Variants in CREB3L2 observed in about 807,000 individuals in gnomAD.
CREB3L2 encodes the protein cAMP responsive element binding protein 3 like 2.
A neutral mutation model predicts 57.2 loss-of-function variants in CREB3L2; 23 were observed. That is an observed-to-expected ratio of 0.40 (90% CI 0.29 to 0.57). The LOEUF (loss-of-function observed/expected upper bound fraction) is 0.57. CREB3L2 is among the 20% of genes least tolerant of loss of function. CREB3L2 has a pLI of 0.42. For synonymous variants in CREB3L2, 268 were observed against 265.1 expected (o/e 1.01, Z -0.11); for missense variants, 628 against 634.7 (o/e 0.99, Z 0.11).
intron 11 of CREB3L2, among the ~76,000 whole-genome samples, chr7:137,882,017 C>G (rs1216276625): frequency 1.3e-5 from 2 of 152,194 alleles, no homozygotes; most frequent in African/African-American, 4.8e-5. Flanking sequence ...TATATATCTA[C>G]TCCCTAGTTG....
chr7:137,879,178 A>C lies in CREB3L2; in HGVS notation c.*1298T>G, dbSNP rs903386660. ...AGTTACTTTTAACCATAAAAAAAAA[A>C]CAAAAAAACTAAAAGTAGGTTGGGG... is the stretch of plus-strand genomic sequence containing the variant. On this transcript the variant is annotated 3_prime_UTR_variant, in exon 12 of 12. Transcript: ENST00000330387. The C allele has an allele frequency of 1.3e-4, 63 of 492,444 alleles. No individual in the cohort carries two copies. The highest frequency in any genetic ancestry group is 1.8e-4 in the Non-Finnish European group (49 of 270,818). The allele number at this position is 492,444 out of a possible 1,614,324, so 30.5% of individuals were successfully genotyped here.
intron 1 of CREB3L2, among the ~76,000 whole-genome samples, chr7:137,967,170 C>T (rs1482530147): frequency 6.6e-6 from 1 of 152,224 alleles, no homozygotes. Flanking sequence ...AGCGGGCGCT[C>T]ACCAGAGCTC....
At chr7:137,899,351 A>G (rs762841631) in intron 8 of CREB3L2, among the ~76,000 whole-genome samples, 3 of 152,218 alleles carry the variant, frequency 2.0e-5, no homozygotes, top group South Asian at 2.1e-4. Context: ...ACCTGAACAC[A>G]AACTCCAAGG....
intron 1 of CREB3L2, among the ~76,000 whole-genome samples, chr7:137,937,918 T>G (rs1389101329): frequency 6.6e-6 from 1 of 150,540 alleles, no homozygotes; most frequent in African/African-American, 2.4e-5. Context: ...GTATGTGAAA[T>G]AGATTAAGCA....
intron 1 of CREB3L2, among the ~76,000 whole-genome samples, chr7:137,986,736 C>T (rs1321835613): frequency 6.6e-6 from 1 of 152,182 alleles, no homozygotes; most frequent in Admixed American, 6.5e-5. Context: ...CCCAGCCATC[C>T]CACCCTCATT....
chr7:137,877,377 T>TAACAGAGAGAG lies in CREB3L2; in HGVS notation c.*3098_*3099insCTCTCTCTGTT. ...AGCAACCTAGTTCAGCTGTCGGATT[T>TAACAGAGAGAG]TTATATAACACTCTCTTTATGTGAG... On this transcript the variant is annotated 3_prime_UTR_variant, in exon 12 of 12. Coordinates refer to ENST00000330387, the MANE Select transcript of CREB3L2 (RefSeq NM_194071.4). 1 of 226,742 alleles carries TAACAGAGAGAG rather than the reference T, an allele frequency of 4.4e-6. No homozygotes were observed. Among genetic ancestry groups the TAACAGAGAGAG allele is most frequent in the East Asian group, 6.4e-5 (1 of 15,748 alleles). 14.0% of individuals were successfully genotyped at this position (226,742 alleles called of 1,614,324 possible).
intron 1 of CREB3L2, among the ~76,000 whole-genome samples, chr7:137,967,994 T>C (rs955178677): frequency 2.6e-5 from 4 of 152,224 alleles, no homozygotes; most frequent in African/African-American, 7.2e-5. Context: ...CTCTTCCCAT[T>C]TGTGGTTGAA....
chr7:137,940,805 G>A (rs1474990186), intron 1 of CREB3L2, among the ~76,000 whole-genome samples: 1 of 152,226 alleles, frequency 6.6e-6, no homozygotes, highest in Non-Finnish European at 1.5e-5. Context: ...AGCCAAATAT[G>A]TCTTAAGCAT....
intron 1 of CREB3L2, among the ~76,000 whole-genome samples, chr7:137,990,164 C>T (rs139148795): frequency 6.6e-6 from 1 of 152,312 alleles, no homozygotes; most frequent in African/African-American, 2.4e-5. Flanking sequence ...TCCCAAGACT[C>T]CCCATAGAGC....
At chr7:137,990,137 C>T (rs527730522) in intron 1 of CREB3L2, among the ~76,000 whole-genome samples, 2 of 152,340 alleles carry the variant, frequency 1.3e-5, no homozygotes, top group Non-Finnish European at 2.9e-5. Context: ...ACAAACCTCT[C>T]ATGATCTTGT....
intron 2 of CREB3L2, among the ~76,000 whole-genome samples, chr7:137,921,496 A>G (rs1271934088): frequency 6.6e-6 from 1 of 152,254 alleles, no homozygotes; most frequent in Non-Finnish European, 1.5e-5. Flanking sequence ...CAAATCATCA[A>G]AGAGACTGAA....
intron 1 of CREB3L2, among the ~76,000 whole-genome samples, chr7:137,935,442 T>C (rs1358576185): frequency 1.3e-5 from 2 of 152,226 alleles, no homozygotes; most frequent in Non-Finnish European, 2.9e-5. Flanking sequence ...CCTAGACAGA[T>C]ACACCTTGAA....
In CREB3L2 at chr7:137,880,569, G is replaced by T. The variant is rs1311644655; in HGVS notation, c.1488-18C>A. 3.9e-5 allele frequency: 62 copies of T among 1,592,260 alleles called. No individual in the cohort carries two copies. The highest frequency in any genetic ancestry group is 5.0e-5 in the Non-Finnish European group (58 of 1,160,606). ...CGCTGACCCTGTGAAGGCATTAAAAGGAAAACGAAGTATTAGTCACCAGCT... is the reference window on the plus strand; with the variant it reads ...CGCTGACCCTGTGAAGGCATTAAAATGAAAACGAAGTATTAGTCACCAGCT... On this transcript the variant is annotated intron_variant, in intron 11 of 11. Transcript: ENST00000330387. This position sits in a 1 kb window ranked among gnomAD's most constrained non-coding sequence, Gnocchi z 4.0.
At chr7:137,988,208 G>A (rs1801823239) in intron 1 of CREB3L2, among the ~76,000 whole-genome samples, 1 of 152,226 alleles carries the variant, frequency 6.6e-6, no homozygotes, top group South Asian at 2.1e-4. Flanking sequence ...GCCATGACAG[G>A]AACAGAGATT....
rs1406038592 is a variant in CREB3L2 at position 137,877,536 on chromosome 7, C to T, written c.*2940G>A. The T allele has an allele frequency of 8.8e-6, 2 of 226,222 alleles. No individual in the cohort carries two copies. Among genetic ancestry groups the T allele is most frequent in the Non-Finnish European group, 1.8e-5 (2 of 113,824 alleles). The allele number at this position is 226,222 out of a possible 1,614,324, so 14.0% of individuals were successfully genotyped here. On this transcript the variant is annotated 3_prime_UTR_variant, in exon 12 of 12. Transcript: ENST00000330387. ...GAACCACGGTGGGGGGTCTGGGTTA[C>T]TCAGGTCTTATCCAGTGAAAAATTA...
chr7:137,891,805 C>G (rs1274970797), intron 8 of CREB3L2, among the ~76,000 whole-genome samples: 1 of 152,164 alleles, frequency 6.6e-6, no homozygotes, highest in East Asian at 1.9e-4. Context: ...TCTTGAACTC[C>G]TGACCTCAGG....
chr7:137,905,674 T>G, intron 6 of CREB3L2, 28 bp downstream of exon 6: 1 of 1,612,850 alleles, frequency 6.2e-7, no homozygotes, highest in Non-Finnish European at 8.5e-7. Context: ...GTCTCTGCTC[T>G]AGAAGTGCCT....
chr7:137,909,534 C>T (rs1377013389), intron 4 of CREB3L2, among the ~76,000 whole-genome samples: 3 of 152,202 alleles, frequency 2.0e-5, no homozygotes, highest in South Asian at 4.1e-4. Context: ...CTCCTGGAGC[C>T]CCCAGGACAA....
chr7:137,930,036 G>A (rs144203120), intron 1 of CREB3L2, among the ~76,000 whole-genome samples: 23,685 of 151,324 alleles, frequency 0.16, 4,540 homozygotes, highest in African/African-American at 0.46. Flanking sequence ...TGGGACTACA[G>A]GCACCCGCCA....
Sources: gnomAD v4.1 joint callset for allele counts (sites outside exome capture counted in the v4.1 genomes callset) on GRCh38, gnomAD v4.1.1 for gene constraint, Gnocchi (gnomAD v3.1) non-coding constraint, MANE v1.5 for transcripts, NCBI Gene and HGNC (gene_info 2026-07-23, HGNC 2026-07-21) for gene names.